Variants in TBC1D23 observed in about 807,000 individuals in gnomAD.
TBC1D23 encodes the protein HCV non-structural protein 4A-transactivated protein 1.
In TBC1D23, 55 loss-of-function variants were observed where a neutral mutation model predicts 91.4. That is an observed-to-expected ratio of 0.60 (90% CI 0.48 to 0.75). The LOEUF (loss-of-function observed/expected upper bound fraction) is 0.75. Ranked by LOEUF, TBC1D23 falls within the 30% of genes least tolerant of loss-of-function variation. The pLI is 0.00. For synonymous variants in TBC1D23, 289 were observed against 281.0 expected, an observed-to-expected ratio of 1.03 and a Z score of -0.28; for missense variants, 725 against 836.1, an observed-to-expected ratio of 0.87 and a Z score of 1.64.
At chr3:100,279,608 T>G in intron 1 of TBC1D23, 41 bp from the exon 2 acceptor site, 1 of 1,275,166 alleles carries the variant, frequency 7.8e-7, no homozygotes, top group Non-Finnish European at 1.1e-6. Flanking sequence ...AGAAAAAGTA[T>G]GAGATAAAGT....
intron 1 of TBC1D23, among the ~76,000 whole-genome samples, chr3:100,271,680 A>G (rs2067600773): frequency 6.6e-6 from 1 of 152,166 alleles, no homozygotes; most frequent in Non-Finnish European, 1.5e-5. Context: ...GTCATAAGTA[A>G]AGTCACCTGA....
At chr3:100,295,727 C>A (rs144800997) in intron 7 of TBC1D23, among the ~76,000 whole-genome samples, 4 of 152,276 alleles carry the variant, frequency 2.6e-5, no homozygotes, top group African/African-American at 9.6e-5. Context: ...CCATATCCCC[C>A]ACATAGAGAT....
intron 1 of TBC1D23, among the ~76,000 whole-genome samples, chr3:100,264,809 A>C (rs1168991593): frequency 1.3e-5 from 2 of 152,118 alleles, no homozygotes; most frequent in Non-Finnish European, 2.9e-5. Context: ...GTTTTTGCTG[A>C]TTTTCAGTTA....
At chr3:100,278,609 C>T (rs1461761484) in intron 1 of TBC1D23, among the ~76,000 whole-genome samples, 1 of 152,108 alleles carries the variant, frequency 6.6e-6, no homozygotes, top group African/African-American at 2.4e-5. Context: ...TGGTCTTGAA[C>T]TCCTGACCTT....
chr3:100,261,016 G>C lies in TBC1D23; in HGVS notation c.-3G>C, dbSNP rs200968095. On this transcript the variant is annotated 5_prime_UTR_variant, in exon 1 of 19. Coordinates refer to ENST00000394144, the MANE Select transcript of TBC1D23 (RefSeq NM_001199198.3). ...CGGCAAAGTGACGTGGACGTCAACAGCAATGGCGGAAGGAGAAGATGTGCC... is the reference window on the plus strand; with the variant it reads ...CGGCAAAGTGACGTGGACGTCAACACCAATGGCGGAAGGAGAAGATGTGCC... 10 of 1,613,764 alleles carry C rather than the reference G, an allele frequency of 6.2e-6. No individual in the cohort carries two copies. The highest frequency in any genetic ancestry group is 6.8e-6 in the Non-Finnish European group (8 of 1,179,658).
intron 18 of TBC1D23, 94 bp downstream of exon 18, chr3:100,321,065 A>G: frequency 1.1e-6 from 1 of 942,956 alleles, no homozygotes; most frequent in Non-Finnish European, 1.5e-6. Context: ...ATTTTGGGGA[A>G]TGGATGGTGG....
At chr3:100,310,588 AAAG>A in intron 14 of TBC1D23, 46 bp downstream of exon 14, 1 of 1,464,680 alleles carries the variant, frequency 6.8e-7, no homozygotes, top group Non-Finnish European at 9.3e-7. Context: ...AATTAAAACT[AAAG>A]AAACAATGTC....
chr3:100,299,469 T>G (rs1705378206), intron 10 of TBC1D23, 138 bp downstream of exon 10: 2 of 464,782 alleles, frequency 4.3e-6, no homozygotes, highest in African/African-American at 4.0e-5. Context: ...AGAAAAGTGT[T>G]GCTGTCAGGT....
intron 14 of TBC1D23, among the ~76,000 whole-genome samples, chr3:100,310,904 T>G (rs535174866): frequency 1.3e-5 from 2 of 152,290 alleles, no homozygotes; most frequent in South Asian, 4.1e-4. Context: ...CTTCTTCTGC[T>G]CCAAGATTTT....
intron 1 of TBC1D23, among the ~76,000 whole-genome samples, chr3:100,273,345 C>G (rs546422426): frequency 2.8e-4 from 42 of 152,272 alleles, no homozygotes; most frequent in Admixed American, 1.6e-3. Flanking sequence ...CATCTCAAGG[C>G]AGAAGAATTT....
intron 8 of TBC1D23, among the ~76,000 whole-genome samples, chr3:100,297,595 CAT>C: frequency 6.6e-6 from 1 of 152,186 alleles, no homozygotes; most frequent in East Asian, 1.9e-4. Context: ...ATTTCTGCCA[CAT>C]ATTTGTTTTT....
intron 5 of TBC1D23, 140 bp from the exon 6 acceptor site, chr3:100,294,947 A>T: frequency 1.2e-6 from 1 of 814,342 alleles, no homozygotes; most frequent in East Asian, 2.8e-5. Context: ...TTTGGATTTC[A>T]TACACTAAGA....
At chr3:100,309,368 T>C (rs1705576209) in intron 13 of TBC1D23, among the ~76,000 whole-genome samples, 1 of 152,208 alleles carries the variant, frequency 6.6e-6, no homozygotes, top group Admixed American at 6.5e-5. Flanking sequence ...TTTTGAAGAC[T>C]AGTCTGAGAT....
chr3:100,306,734 A>G (rs1398512478), intron 13 of TBC1D23, among the ~76,000 whole-genome samples, 191 bp downstream of exon 13: 1 of 151,316 alleles, frequency 6.6e-6, no homozygotes, highest in East Asian at 1.9e-4. Flanking sequence ...ATGAAATGAT[A>G]CAGCAAGCCT....
chr3:100,287,065 G>A (rs1437425918), intron 4 of TBC1D23, among the ~76,000 whole-genome samples: 3 of 152,024 alleles, frequency 2.0e-5, no homozygotes, highest in East Asian at 1.9e-4. Flanking sequence ...CGCCCCCTTC[G>A]GCCTCCCAAA....
At chr3:100,322,827 C>T (rs1276890104) in intron 18 of TBC1D23, among the ~76,000 whole-genome samples, 1 of 151,682 alleles carries the variant, frequency 6.6e-6, no homozygotes, top group Non-Finnish European at 1.5e-5. Context: ...GATAAAGTAA[C>T]TAGATTCTCT....
intron 13 of TBC1D23, among the ~76,000 whole-genome samples, chr3:100,309,610 C>T (rs866803481): frequency 1.4e-4 from 16 of 116,118 alleles, no homozygotes; most frequent in South Asian, 6.1e-4. Context: ...ATTCTACCTT[C>T]TTTTTTTTTT....
chr3:100,261,783 C>T (rs1435487878), intron 1 of TBC1D23, among the ~76,000 whole-genome samples: 2 of 152,164 alleles, frequency 1.3e-5, no homozygotes, highest in Admixed American at 1.3e-4. Flanking sequence ...AAACTGCTCA[C>T]CCAGTGTTAA....
chr3:100,298,374 A>T (rs1245019367), intron 9 of TBC1D23, among the ~76,000 whole-genome samples: 1 of 152,226 alleles, frequency 6.6e-6, no homozygotes, highest in Non-Finnish European at 1.5e-5. Context: ...TTAGCATTTA[A>T]CAGTTTCTGG....
Sources: gnomAD v4.1 joint callset for allele counts (sites outside exome capture counted in the v4.1 genomes callset) on GRCh38, gnomAD v4.1.1 for gene constraint, MANE v1.5 for transcripts, NCBI Gene and HGNC (gene_info 2026-07-23, HGNC 2026-07-21) for gene names.